Variants in FOXO1 observed in about 807,000 individuals in gnomAD.
FOXO1 encodes the protein forkhead box protein O1.
FOXO1 carries 6 observed loss-of-function variants against 44.1 expected under a neutral mutation model. The ratio of observed to expected loss-of-function variants is 0.14; its 90% CI spans 0.07 to 0.27. The LOEUF (loss-of-function observed/expected upper bound fraction) is 0.27. FOXO1 is among the 10% of genes least tolerant of loss of function. FOXO1 has a pLI of 1.00. For synonymous variants in FOXO1, 380 were observed against 362.7 expected, an observed-to-expected ratio of 1.05 and a Z score of -0.54; for missense variants, 737 against 888.8, an observed-to-expected ratio of 0.83 and a Z score of 2.17.
intron 1 of FOXO1, among the ~76,000 whole-genome samples, chr13:40,658,043 A>G (rs1877911877): frequency 6.6e-6 from 1 of 152,242 alleles, no homozygotes; most frequent in South Asian, 2.1e-4. Flanking sequence ...TACAGACATT[A>G]AAGTTAAATT....
intron 1 of FOXO1, among the ~76,000 whole-genome samples, chr13:40,642,729 G>C (rs1363361065): frequency 2.6e-5 from 4 of 152,044 alleles, no homozygotes; most frequent in African/African-American, 9.7e-5. Context: ...AACCAGCCTG[G>C]GCAACATGGC....
chr13:40,564,044 C>T (rs1465868747), intron 1 of FOXO1, among the ~76,000 whole-genome samples: 2 of 152,190 alleles, frequency 1.3e-5, no homozygotes, highest in Non-Finnish European at 2.9e-5. Context: ...GTCCCTGTCA[C>T]ATTTAGTTAA....
At chr13:40,641,515 G>A (rs1877352952) in intron 1 of FOXO1, among the ~76,000 whole-genome samples, 1 of 151,962 alleles carries the variant, frequency 6.6e-6, no homozygotes, top group African/African-American at 2.4e-5. Flanking sequence ...TTGTCAGTAT[G>A]TGCATTAATT....
At chr13:40,620,283 C>T in intron 1 of FOXO1, 3 of 1,147,018 alleles carry the variant, frequency 2.6e-6, no homozygotes, top group Non-Finnish European at 3.9e-6. Flanking sequence ...GTATTGCAAA[C>T]AGAACTCATC....
intron 1 of FOXO1, among the ~76,000 whole-genome samples, chr13:40,613,337 T>C (rs1006088045): frequency 2.0e-5 from 3 of 152,126 alleles, no homozygotes; most frequent in Non-Finnish European, 4.4e-5. Flanking sequence ...TAGTTACATG[T>C]GGTTTGCAAG....
chr13:40,619,929 C>G (rs557674628), intron 1 of FOXO1: 11 of 680,708 alleles, frequency 1.6e-5, no homozygotes, highest in Non-Finnish European at 2.7e-5. Flanking sequence ...GAAATACAAA[C>G]CAAAGATTAG....
At position 40,637,974 on chromosome 13, in the gene FOXO1, T is replaced by G. The variant is rs141808253; in HGVS notation, c.630+27609A>C. ...GACTAAGATACTGGAGGCACCACAC[T>G]TAGGGTCATTTGCAAGCTGTAGTAC... On this transcript the variant is annotated intron_variant, in intron 1 of 2. Coordinates refer to ENST00000379561, the MANE Select transcript of FOXO1 (RefSeq NM_002015.4). Among the ~76,000 whole-genome samples, 752 of 152,306 alleles carry G rather than the reference T, an allele frequency of 4.9e-3. 9 individuals carry two copies. The highest frequency in any genetic ancestry group is 0.017 in the African/African-American group (704 of 41,562).
intron 1 of FOXO1, among the ~76,000 whole-genome samples, chr13:40,638,552 C>T (rs1450189254): frequency 6.6e-6 from 1 of 152,086 alleles, no homozygotes; most frequent in Non-Finnish European, 1.5e-5. Flanking sequence ...GAGAGACTAA[C>T]TCACAAAAAG....
intron 1 of FOXO1, among the ~76,000 whole-genome samples, chr13:40,624,395 T>G (rs1417090765): frequency 2.0e-5 from 3 of 151,534 alleles, no homozygotes; most frequent in Non-Finnish European, 4.4e-5. Flanking sequence ...AGGAGTTTCA[T>G]GAAAACTTAC....
chr13:40,583,133 T>C (rs1231000662), intron 1 of FOXO1, among the ~76,000 whole-genome samples: 1 of 152,250 alleles, frequency 6.6e-6, no homozygotes, highest in East Asian at 1.9e-4. Flanking sequence ...AGGTACATTA[T>C]CATTGAGCAG....
At chr13:40,608,122 AT>A in intron 1 of FOXO1, among the ~76,000 whole-genome samples, 1 of 152,188 alleles carries the variant, frequency 6.6e-6, no homozygotes, top group South Asian at 2.1e-4. Context: ...ATATAATCTC[AT>A]AACCAAAAGC....
chr13:40,651,104 TG>T (rs1393434310), intron 1 of FOXO1, among the ~76,000 whole-genome samples: 39 of 139,598 alleles, frequency 2.8e-4, no homozygotes, highest in African/African-American at 6.0e-4. Context: ...TTTTGTTTTT[TG>T]TTTTTGTTTT....
In FOXO1 at chr13:40,560,629, G is replaced by A; in HGVS notation, c.862C>T (p.Pro288Ser). 1 of 1,614,144 alleles carries A rather than the reference G, an allele frequency of 6.2e-7. No homozygotes were observed. The highest frequency in any genetic ancestry group is 8.5e-7 in the Non-Finnish European group (1 of 1,180,042). Residue 288 changes from proline (P) to serine (S), a missense_variant, in exon 2 of 3, where the codon CCT becomes TCT. Coordinates refer to ENST00000379561, the MANE Select transcript of FOXO1 (RefSeq NM_002015.4). This position sits in a 1 kb window ranked among gnomAD's most constrained non-coding sequence, Gnocchi z 5.1. Reference protein sequence around the residue: ...QSGQEGAGDSPGSQFSKWPAS... With the variant: ...QSGQEGAGDSSGSQFSKWPAS... Reference sequence around the variant, plus strand: ...GGCCATTTGGAAAACTGTGATCCAGGGCTGTCCCCAGCACCCTCCTGGCCA... The same window carrying A: ...GGCCATTTGGAAAACTGTGATCCAGAGCTGTCCCCAGCACCCTCCTGGCCA...
chr13:40,586,571 G>A (rs1318417593), intron 1 of FOXO1, among the ~76,000 whole-genome samples: 2 of 152,198 alleles, frequency 1.3e-5, no homozygotes, highest in Non-Finnish European at 2.9e-5. Context: ...GAAATAGTGT[G>A]TAGGGATAAA....
chr13:40,560,345 T>C lies in FOXO1; in HGVS notation c.1146A>G (p.Ser382=), dbSNP rs747662335. 29 of 1,613,814 alleles carry C rather than the reference T, an allele frequency of 1.8e-5. No homozygotes were observed. Among genetic ancestry groups the C allele is most frequent in the Admixed American group, 8.3e-5 (5 of 60,006 alleles). ...TCGAAACAGTTAATGATGTTGGTGA[T>C]GAGAGAAGGTTGAGATTATCCAAAA... The part of the protein sequence containing the change: ...ENLLDNLNLL[S]SPTSLTVSTQ... Residue 382 remains serine (S), a synonymous_variant, in exon 2 of 3, where the codon TCA becomes TCG. Coordinates refer to ENST00000379561, the MANE Select transcript of FOXO1 (RefSeq NM_002015.4). The surrounding 1 kb of genome is among the most constrained non-coding windows in gnomAD (Gnocchi z 5.1).
chr13:40,659,248 G>A (rs765914973), intron 1 of FOXO1, among the ~76,000 whole-genome samples: 68 of 150,426 alleles, frequency 4.5e-4, no homozygotes, highest in Non-Finnish European at 6.9e-4. Flanking sequence ...CTGGGAGGCA[G>A]AGGTTGCAGG....
At chr13:40,627,828 G>A (rs575015639) in intron 1 of FOXO1, among the ~76,000 whole-genome samples, 31 of 149,184 alleles carry the variant, frequency 2.1e-4, no homozygotes, top group African/African-American at 5.5e-4. Flanking sequence ...GTGATACTCC[G>A]GCTAAAAAAA....
intron 2 of FOXO1, 99 bp downstream of exon 2, chr13:40,559,410 C>A (rs571100538): frequency 3.8e-6 from 4 of 1,057,414 alleles, no homozygotes; most frequent in South Asian, 1.6e-5. Flanking sequence ...AAGGGACAGT[C>A]AGTTGACATC....
chr13:40,582,004 G>GCTAA (rs1415022791), intron 1 of FOXO1, among the ~76,000 whole-genome samples: 2 of 152,150 alleles, frequency 1.3e-5, no homozygotes, highest in African/African-American at 2.4e-5. Context: ...TATATTTATA[G>GCTAA]CTAAAACAGA....
Sources: gnomAD v4.1 joint callset for allele counts (sites outside exome capture counted in the v4.1 genomes callset) on GRCh38, gnomAD v4.1.1 for gene constraint, Gnocchi (gnomAD v3.1) non-coding constraint, MANE v1.5 for transcripts, NCBI Gene and HGNC (gene_info 2026-07-23, HGNC 2026-07-21) for gene names.